Variants in OPHN1 observed in about 807,000 individuals in gnomAD.
OPHN1 encodes the protein oligophrenin-1.
Under a neutral mutation model 60.7 loss-of-function variants are expected in OPHN1, and 11 were observed. The ratio of observed to expected loss-of-function variants is 0.18; its 90% CI spans 0.11 to 0.30. The LOEUF (loss-of-function observed/expected upper bound fraction) is 0.30, where lower values mean the gene tolerates loss of function less well. OPHN1 is among the 10% of genes least tolerant of loss of function. The pLI is 1.00. For missense variants in OPHN1, 449 were observed against 611.0 expected, an observed-to-expected ratio of 0.73 and a Z score of 2.80; for synonymous variants, 226 against 222.6, an observed-to-expected ratio of 1.02 and a Z score of -0.14.
At chrX:68,065,176 C>T (rs751979175) in intron 20 of OPHN1, among the ~76,000 whole-genome samples, 5 of 110,733 alleles carry the variant, frequency 4.5e-5, no homozygotes, top group Non-Finnish European at 9.4e-5. Context: ...TTCCGGCCAG[C>T]AAATTGAAAC....
chrX:68,161,439 T>C (rs1446031980), intron 15 of OPHN1, among the ~76,000 whole-genome samples: 2 of 110,947 alleles, frequency 1.8e-5, no homozygotes, highest in South Asian at 3.7e-4. Context: ...AATAAATGTA[T>C]TTAAAAATAT....
intron 2 of OPHN1, among the ~76,000 whole-genome samples, chrX:68,328,155 G>A (rs2078276013): frequency 1.1e-5 from 1 of 87,349 alleles, no homozygotes; most frequent in African/African-American, 4.5e-5. Context: ...TTGAGACGGA[G>A]TCCCGCTCTG....
chrX:68,162,695 A>G (rs1167468636), intron 15 of OPHN1, among the ~76,000 whole-genome samples: 2 of 111,148 alleles, frequency 1.8e-5, no homozygotes, highest in East Asian at 5.6e-4. Context: ...CATTATATGG[A>G]AACAGTGGCA....
intron 2 of OPHN1, among the ~76,000 whole-genome samples, chrX:68,354,717 T>C (rs2078431761): frequency 9.9e-6 from 1 of 101,418 alleles, no homozygotes. Context: ...GTCACGCCAC[T>C]GCACTCCAGC....
intron 21 of OPHN1, among the ~76,000 whole-genome samples, chrX:68,057,065 G>A (rs979286424): frequency 9.0e-6 from 1 of 111,276 alleles, no homozygotes; most frequent in Non-Finnish European, 1.9e-5. Context: ...TATTATCTCC[G>A]TTCTACAGCT....
chrX:68,316,368 C>A (rs1050540195), intron 2 of OPHN1, among the ~76,000 whole-genome samples: 3 of 112,098 alleles, frequency 2.7e-5, no homozygotes, highest in Non-Finnish European at 5.6e-5. Flanking sequence ...AATAGACATT[C>A]TTTTCAAGCG....
intron 15 of OPHN1, 134 bp downstream of exon 15, chrX:68,192,785 G>C: frequency 1.8e-6 from 1 of 541,609 alleles, no homozygotes; most frequent in Non-Finnish European, 3.2e-6. Flanking sequence ...GCAAGTATGT[G>C]TATGTTTTAC....
intron 2 of OPHN1, among the ~76,000 whole-genome samples, chrX:68,353,991 AG>A (rs1474625234): frequency 8.9e-6 from 1 of 112,389 alleles, no homozygotes; most frequent in Non-Finnish European, 1.9e-5. Flanking sequence ...AAAAAGTTAG[AG>A]TACATTATTT....
intron 19 of OPHN1, among the ~76,000 whole-genome samples, chrX:68,076,002 CTG>C (rs1237268777): frequency 1.8e-5 from 2 of 109,592 alleles, no homozygotes; most frequent in Non-Finnish European, 3.8e-5. Context: ...CTAAAAGACA[CTG>C]TTAAGAATGA....
At chrX:68,202,595 G>A (rs535899927) in intron 10 of OPHN1, among the ~76,000 whole-genome samples, 3 of 110,175 alleles carry the variant, frequency 2.7e-5, no homozygotes, top group African/African-American at 9.9e-5. Flanking sequence ...CGCCTCCCGG[G>A]TTCAAGCGAT....
At chrX:68,071,105 T>C in intron 20 of OPHN1, 1 of 1,038,444 alleles carries the variant, frequency 9.6e-7, no homozygotes, top group Non-Finnish European at 1.4e-6. Flanking sequence ...ATATTATTGA[T>C]CAGGTGGATC....
chrX:68,071,116 T>C, intron 20 of OPHN1: 2 of 1,000,174 alleles, frequency 2.0e-6, no homozygotes, highest in Non-Finnish European at 2.8e-6. Flanking sequence ...CAGGTGGATC[T>C]TGTCTGCAAA....
chrX:68,284,142 A>G (rs2078030541), intron 3 of OPHN1, among the ~76,000 whole-genome samples: 1 of 111,838 alleles, frequency 8.9e-6, no homozygotes, highest in Non-Finnish European at 1.9e-5. Context: ...AGACACGATC[A>G]GTTTACCTCT....
chrX:68,386,577 T>C (rs2078625354), intron 2 of OPHN1, among the ~76,000 whole-genome samples: 3 of 112,168 alleles, frequency 2.7e-5, no homozygotes, highest in Admixed American at 9.5e-5. Context: ...TCTGCACTAA[T>C]AGTGTTTGCC....
intron 3 of OPHN1, among the ~76,000 whole-genome samples, chrX:68,290,619 G>GA (rs1189186363): frequency 1.9e-5 from 2 of 107,113 alleles, no homozygotes; most frequent in East Asian, 2.9e-4. Context: ...GAAAGAAAGG[G>GA]AAAAAAAAGC....
chrX:68,105,600 T>C (rs1256936863), intron 18 of OPHN1, among the ~76,000 whole-genome samples: 1 of 89,479 alleles, frequency 1.1e-5, no homozygotes, highest in Non-Finnish European at 2.0e-5. Context: ...AAGTGGGAGT[T>C]GAACAGTGAG....
At chrX:68,048,293 G>A in intron 24 of OPHN1, 123 bp downstream of exon 24, 1 of 577,944 alleles carries the variant, frequency 1.7e-6, no homozygotes, top group Admixed American at 2.7e-5. Flanking sequence ...GTAATGAACT[G>A]AGGCGTAGAA....
intron 2 of OPHN1, among the ~76,000 whole-genome samples, chrX:68,352,950 G>A (rs1324713399): frequency 1.8e-5 from 2 of 110,103 alleles, no homozygotes; most frequent in Non-Finnish European, 3.8e-5. Context: ...CCAGGAGTTC[G>A]AGACCAGCCT....
intron 15 of OPHN1, among the ~76,000 whole-genome samples, chrX:68,163,101 C>T (rs1387104970): frequency 9.0e-6 from 1 of 110,634 alleles, no homozygotes; most frequent in Non-Finnish European, 1.9e-5. Context: ...AAAACATGCA[C>T]CTCTCTCATA....
Sources: allele counts gnomAD v4.1 joint callset (sites outside exome capture counted in the v4.1 genomes callset), GRCh38; gene constraint gnomAD v4.1.1; transcripts MANE v1.5; gene names NCBI Gene and HGNC (gene_info 2026-07-23, HGNC 2026-07-21).